PGD: variants seen among roughly 807,000 people sequenced by gnomAD.
PGD encodes the protein phosphogluconate dehydrogenase, also known as 6-phosphogluconate dehydrogenase, decarboxylating.
Under a neutral mutation model 60.4 loss-of-function variants are expected in PGD, and 21 were observed. That is an observed-to-expected ratio of 0.35 (90% confidence interval 0.25 to 0.50). The LOEUF (loss-of-function observed/expected upper bound fraction) is 0.50. Among genes scored for constraint, PGD ranks in the 20% least tolerant of loss-of-function variants. The pLI is 0.98. For missense variants in PGD, 477 were observed against 613.1 expected (o/e 0.78, Z 2.34); for synonymous variants, 230 against 235.9 (o/e 0.97, Z 0.23).
Position 10,417,034 on chromosome 1 carries a change from A to G in PGD, c.892A>G (p.Ile298Val), listed in dbSNP as rs779623421. ...CTTATCATCTCTGAAGGATGAGAGA[A>G]TTCAAGCTAGCAAAAAGCTGAAGGG... The part of the protein sequence containing the change: ...RCLSSLKDER[I>V]QASKKLKGPQ... The change falls in exon 9 of 13, where the codon ATT (isoleucine) becomes GTT (valine). Residue 298 changes from isoleucine to valine, a missense_variant. Transcript: ENST00000270776. 7 of 1,613,928 alleles carry G rather than the reference A, an allele frequency of 4.3e-6. No individual in the cohort carries two copies. In the Admixed American group the frequency reaches 1.0e-4, roughly 23 times the overall value.
intron 3 of PGD, among the ~76,000 whole-genome samples, chr1:10,402,330 A>G (rs1639328811): frequency 6.6e-6 from 1 of 151,254 alleles, no homozygotes; most frequent in Non-Finnish European, 1.5e-5. Context: ...TCAACCTCCC[A>G]AAGTGTTGGG....
intron 11 of PGD, 54 bp from the exon 12 acceptor site, chr1:10,419,363 A>T: frequency 6.3e-7 from 1 of 1,576,824 alleles, no homozygotes. Flanking sequence ...ATGAAAATCT[A>T]TCCGCGTCAC....
intron 5 of PGD, among the ~76,000 whole-genome samples, chr1:10,406,986 G>A (rs987695020): frequency 7.2e-5 from 11 of 152,362 alleles, no homozygotes; most frequent in Admixed American, 7.2e-4. Context: ...ATTGCCTGCT[G>A]TTTGCAATCA....
Position 10,400,592 on chromosome 1 carries a change from C to G in PGD, c.264+20C>G. 1 of 1,583,466 alleles carries G rather than the reference C, an allele frequency of 6.3e-7. No homozygotes were observed. Among genetic ancestry groups the G allele is most frequent in the Non-Finnish European group, 8.6e-7 (1 of 1,163,216 alleles). ...AAATTGGTGAGGCCAGCTGTGCTCT[C>G]AGCTGCTACCACGATAGCAGCTGTT... On this transcript the variant is annotated intron_variant, in intron 3 of 12. Transcript: ENST00000270776.
chr1:10,419,602 C>T (rs368272717), intron 12 of PGD, 28 bp from the exon 13 acceptor site: 62 of 1,613,994 alleles, frequency 3.8e-5, no homozygotes, highest in Non-Finnish European at 4.8e-5. Flanking sequence ...ATGGACTGTC[C>T]TGACCAACCT....
intron 5 of PGD, among the ~76,000 whole-genome samples, chr1:10,405,114 C>T (rs1238409843): frequency 1.3e-5 from 2 of 151,994 alleles, no homozygotes; most frequent in African/African-American, 4.8e-5. Flanking sequence ...GTGGCTCACG[C>T]CTGTAATCCC....
Position 10,408,152 on chromosome 1 carries a change from G to C in PGD, c.519+12G>C, listed in dbSNP as rs1008995706. On this transcript the variant is annotated intron_variant, in intron 6 of 12. Transcript: ENST00000270776. ...CCTGCTGTGACTGGGCAAGTTCTGG[G>C]CTACTCTTTAAAGCCAATTGGCAAC... is the stretch of plus-strand genomic sequence containing the variant. 6.5e-7 allele frequency: 1 copy of C among 1,535,270 alleles called. No homozygotes were observed.
chr1:10,418,978 G>T, intron 11 of PGD, 53 bp downstream of exon 11: 1 of 972,396 alleles, frequency 1.0e-6, no homozygotes, highest in Non-Finnish European at 1.6e-6. Context: ...GGGGCCATCA[G>T]TTGTGATGTT....
At chr1:10,401,923 G>A (rs1466403538) in intron 3 of PGD, among the ~76,000 whole-genome samples, 1 of 152,292 alleles carries the variant, frequency 6.6e-6, no homozygotes, top group Middle Eastern at 3.4e-3. Flanking sequence ...GCTGAGGCAG[G>A]AGAGTGGCGT....
chr1:10,418,739 C>A, intron 10 of PGD, 87 bp from the exon 11 acceptor site: 1 of 751,514 alleles, frequency 1.3e-6, no homozygotes, highest in Non-Finnish European at 2.3e-6. Context: ...CGTGCCACTC[C>A]ACTCCAGCCT....
intron 3 of PGD, among the ~76,000 whole-genome samples, chr1:10,402,699 AT>A: frequency 6.6e-6 from 1 of 151,708 alleles, no homozygotes; most frequent in South Asian, 2.1e-4. Flanking sequence ...AATTTTTCGT[AT>A]TTTTAGTAGA....
intron 3 of PGD, among the ~76,000 whole-genome samples, chr1:10,401,440 T>C (rs554516730): frequency 6.6e-6 from 1 of 152,294 alleles, no homozygotes; most frequent in African/African-American, 2.4e-5. Flanking sequence ...CAGTGATAGC[T>C]CAGGGGAGGC....
intron 3 of PGD, 91 bp from the exon 4 acceptor site, chr1:10,402,980 C>G (rs1339426813): frequency 5.6e-6 from 5 of 900,318 alleles, no homozygotes; most frequent in Non-Finnish European, 9.3e-6. Context: ...TCTTTTTAGA[C>G]TATGTTTATT....
At chr1:10,403,014 A>G in intron 3 of PGD, 57 bp from the exon 4 acceptor site, 1 of 1,105,244 alleles carries the variant, frequency 9.0e-7, no homozygotes, top group Non-Finnish European at 1.4e-6. Flanking sequence ...TGTTTGTTTT[A>G]ATTTGCCAAG....
At chr1:10,407,821 C>G (rs543337229) in intron 5 of PGD, among the ~76,000 whole-genome samples, 1 of 152,124 alleles carries the variant, frequency 6.6e-6, no homozygotes, top group African/African-American at 2.4e-5. Flanking sequence ...TGTCACATAC[C>G]TGTAGTCTTA....
At chr1:10,409,812 T>C (rs1349196150) in intron 6 of PGD, among the ~76,000 whole-genome samples, 3 of 151,958 alleles carry the variant, frequency 2.0e-5, no homozygotes, top group Non-Finnish European at 2.9e-5. Flanking sequence ...TGTGCCACCA[T>C]GCCTGGCTAA....
At chr1:10,419,292 C>T in intron 11 of PGD, 125 bp from the exon 12 acceptor site, 1 of 1,320,598 alleles carries the variant, frequency 7.6e-7, no homozygotes, top group Non-Finnish European at 1.0e-6. Context: ...GCTGGGATGA[C>T]AGGCGTGAGC....
At position 10,411,519 on chromosome 1, in the gene PGD, C is replaced by T. The variant is rs1341135604; in HGVS notation, c.621C>T (p.Asp207=). 26 of 1,613,778 alleles carry T rather than the reference C, an allele frequency of 1.6e-5. No individual in the cohort carries two copies. Among genetic ancestry groups the T allele is most frequent in the African/African-American group, 2.7e-5 (2 of 74,890 alleles). Residue 207 remains aspartate (D), a synonymous_variant, in exon 7 of 13, where the codon GAC becomes GAT. Coordinates refer to ENST00000270776, the MANE Select transcript of PGD (RefSeq NM_002631.4). Reference sequence around the variant, plus strand: ...GTGAGGCATACCACCTGATGAAAGACGTGCTGGGCATGGCGCAGGACGAGA... The same window carrying T: ...GTGAGGCATACCACCTGATGAAAGATGTGCTGGGCATGGCGCAGGACGAGA... ...LICEAYHLMK[D]VLGMAQDEMA... is the part of the protein sequence containing the mutation.
At chr1:10,412,842 A>G (rs1639521473) in intron 7 of PGD, 1 of 506,998 alleles carries the variant, frequency 2.0e-6, no homozygotes, top group Admixed American at 3.2e-5. Flanking sequence ...AGGAGACAAC[A>G]CTTCTGGTGG....
Sources: allele counts gnomAD v4.1 joint callset (sites outside exome capture counted in the v4.1 genomes callset), GRCh38; gene constraint gnomAD v4.1.1; transcripts MANE v1.5; gene names NCBI Gene and HGNC (gene_info 2026-07-23, HGNC 2026-07-21).